CDH4: variants seen among roughly 807,000 people sequenced by gnomAD.
CDH4 encodes cadherin 4.
Under a neutral mutation model 86.0 loss-of-function variants are expected in CDH4, and 33 were observed. The ratio of observed to expected loss-of-function variants is 0.38; its 90% CI spans 0.29 to 0.51. The LOEUF (loss-of-function observed/expected upper bound fraction) is 0.51, where lower values mean the gene tolerates loss of function less well. Ranked by LOEUF, CDH4 falls within the 20% of genes least tolerant of loss-of-function variation. CDH4 has a pLI of 0.86. For missense variants in CDH4, 1,114 were observed against 1,307.4 expected (o/e 0.85, Z 2.28); for synonymous variants, 555 against 549.4 (o/e 1.01, Z -0.14).
intron 7 of CDH4, among the ~76,000 whole-genome samples, chr20:61,876,346 T>C (rs890720764): frequency 2.0e-5 from 3 of 152,222 alleles, no homozygotes; most frequent in African/African-American, 7.2e-5. Context: ...CCAGTCCCAG[T>C]GCAGGGGCAT....
chr20:61,517,175 T>G lies in CDH4; in HGVS notation c.170-226388T>G, dbSNP rs2085828077. Among the ~76,000 whole-genome samples the G allele has an allele frequency of 6.6e-6, 1 of 152,190 alleles. No individual in the cohort carries two copies. On this transcript the variant is annotated intron_variant, in intron 2 of 15. Coordinates refer to ENST00000614565, the MANE Select transcript of CDH4 (RefSeq NM_001794.5). The surrounding 1 kb of genome is among the most constrained non-coding windows in gnomAD (Gnocchi z 6.6). ...CAACTTTCTAGATGTTGCCTGACTTTGAACTTCGGGTAAATGGAATCCCTT... is the reference window on the plus strand; with the variant it reads ...CAACTTTCTAGATGTTGCCTGACTTGGAACTTCGGGTAAATGGAATCCCTT...
Position 61,474,152 on chromosome 20 carries a change from CTTTTTTTTTTTTTTTTT to C in CDH4, c.169+219225_169+219241del, listed in dbSNP as rs10551077. Among the ~76,000 whole-genome samples, 74 of 40,076 alleles carry C rather than the reference CTTTTTTTTTTTTTTTTT, an allele frequency of 1.8e-3. 1 individual carries two copies. Among genetic ancestry groups the C allele is most frequent in the Admixed American group, 0.01 (26 of 2,550 alleles). The allele number at this position is 40,076 out of a possible 152,430, so 26.3% of individuals were successfully genotyped here. ...GGTATTCTTTTGTCATGGAATAGGA[CTTTTTTTTTTTTTTTTT>C]TTTTTTTTTGAGATGGAGTCTGACT... On this transcript the variant is annotated intron_variant, in intron 2 of 15. Coordinates refer to ENST00000614565, the MANE Select transcript of CDH4 (RefSeq NM_001794.5).
chr20:61,799,695 C>T (rs1039357850), intron 4 of CDH4, among the ~76,000 whole-genome samples: 31 of 152,310 alleles, frequency 2.0e-4, no homozygotes, highest in African/African-American at 6.7e-4. Flanking sequence ...GCCCAGGGAG[C>T]TCCTCTCCAT....
intron 2 of CDH4, among the ~76,000 whole-genome samples, chr20:61,649,357 G>A (rs1391005700): frequency 6.6e-6 from 1 of 152,248 alleles, no homozygotes; most frequent in Non-Finnish European, 1.5e-5. Context: ...CTGGGGCCGT[G>A]TAGGCCAGGT....
chr20:61,878,923 G>A (rs922644180), intron 7 of CDH4, among the ~76,000 whole-genome samples: 1 of 152,266 alleles, frequency 6.6e-6, no homozygotes, highest in South Asian at 2.1e-4. Flanking sequence ...GTGGGTCTGT[G>A]CTTAATGTTC....
chr20:61,524,226 G>A (rs2085893983), intron 2 of CDH4, among the ~76,000 whole-genome samples: 1 of 152,134 alleles, frequency 6.6e-6, no homozygotes, highest in Non-Finnish European at 1.5e-5. Flanking sequence ...GTTTCTACCT[G>A]GAATGCTTCC....
Position 61,797,882 on chromosome 20 carries a change from C to T in CDH4, c.576+24700C>T, listed in dbSNP as rs183872733. 1.8e-3 allele frequency among the ~76,000 whole-genome samples: 270 copies of T among 152,332 alleles called. 1 individual carries two copies. Among genetic ancestry groups the T allele is most frequent in the African/African-American group, 5.8e-3 (243 of 41,578 alleles). On this transcript the variant is annotated intron_variant, in intron 4 of 15. Transcript: ENST00000614565. ...GAGAGATCGGCATCTTTTCCAGCTTCTCAGGTAGGGCATGGCTGCAGGACA... is the reference window on the plus strand; with the variant it reads ...GAGAGATCGGCATCTTTTCCAGCTTTTCAGGTAGGGCATGGCTGCAGGACA...
chr20:61,844,306 G>A (rs1355029739), intron 4 of CDH4, among the ~76,000 whole-genome samples: 1 of 152,134 alleles, frequency 6.6e-6, no homozygotes, highest in Non-Finnish European at 1.5e-5. Flanking sequence ...CACTGTGGAG[G>A]TTGCTCTGTT....
At chr20:61,721,956 G>A (rs928820930) in intron 2 of CDH4, among the ~76,000 whole-genome samples, 1 of 152,148 alleles carries the variant, frequency 6.6e-6, no homozygotes, top group Non-Finnish European at 1.5e-5. Context: ...GTGTGCTGGA[G>A]AGTGGGGGCC....
intron 2 of CDH4, among the ~76,000 whole-genome samples, chr20:61,562,680 A>G (rs1200479724): frequency 1.3e-5 from 2 of 152,262 alleles, no homozygotes; most frequent in Non-Finnish European, 2.9e-5. Flanking sequence ...GAACAGAGCA[A>G]TACAGGAGTC....
chr20:61,889,377 G>GGGAGGAT (rs1568868825), intron 7 of CDH4, among the ~76,000 whole-genome samples: 3 of 150,898 alleles, frequency 2.0e-5, no homozygotes, highest in Admixed American at 2.0e-4. Context: ...ATGGATGGGT[G>GGGAGGAT]GGTGGATGGT....
chr20:61,744,861 C>T (rs1450830822), intron 3 of CDH4, among the ~76,000 whole-genome samples: 5 of 152,224 alleles, frequency 3.3e-5, no homozygotes, highest in African/African-American at 7.2e-5. Flanking sequence ...AGGTCCCCTT[C>T]GCCTTGAGTG....
chr20:61,565,321 G>GGTAGTGGTC (rs1391946036), intron 2 of CDH4, among the ~76,000 whole-genome samples: 1 of 100,202 alleles, frequency 1.0e-5, no homozygotes, highest in Non-Finnish European at 2.3e-5. Flanking sequence ...TGGTGGCGGT[G>GGTAGTGGTC]CTCTTGGTGA....
In CDH4 at chr20:61,452,657, G is replaced by A. The variant is rs138165733; in HGVS notation, c.169+197720G>A. 2.4e-3 allele frequency among the ~76,000 whole-genome samples: 365 copies of A among 152,286 alleles called. 3 individuals carry two copies. Among genetic ancestry groups the A allele is most frequent in the African/African-American group, 8.3e-3 (347 of 41,572 alleles). ...AATTGTTGAAGAGTTTTCCCACACC[G>A]TACAGAAGTAAGGCAGGGAAAGCAA... On this transcript the variant is annotated intron_variant, in intron 2 of 15. Coordinates refer to ENST00000614565, the MANE Select transcript of CDH4 (RefSeq NM_001794.5).
At chr20:61,657,819 C>A (rs1170916136) in intron 2 of CDH4, among the ~76,000 whole-genome samples, 1 of 152,178 alleles carries the variant, frequency 6.6e-6, no homozygotes. Flanking sequence ...AGTGTTAAAT[C>A]CATGTCAGTA....
intron 2 of CDH4, among the ~76,000 whole-genome samples, chr20:61,673,611 C>T (rs547606435): frequency 6.6e-5 from 10 of 152,198 alleles, no homozygotes; most frequent in African/African-American, 2.2e-4. Context: ...GAAGGCCGCC[C>T]GTTCTTGAAT....
intron 2 of CDH4, among the ~76,000 whole-genome samples, chr20:61,524,128 AAACT>A (rs1365623694): frequency 6.6e-6 from 1 of 152,166 alleles, no homozygotes; most frequent in African/African-American, 2.4e-5. Context: ...CCACACAACT[AAACT>A]AAAATCCCGA....
In CDH4 at chr20:61,392,228, C is replaced by A. The variant is rs764437628; in HGVS notation, c.169+137291C>A. Among the ~76,000 whole-genome samples, 1 of 151,792 alleles carries A rather than the reference C, an allele frequency of 6.6e-6. No homozygotes were observed. Among genetic ancestry groups the A allele is most frequent in the South Asian group, 2.1e-4 (1 of 4,748 alleles). On this transcript the variant is annotated intron_variant, in intron 2 of 15. Coordinates refer to ENST00000614565, the MANE Select transcript of CDH4 (RefSeq NM_001794.5). This position sits in a 1 kb window ranked among gnomAD's most constrained non-coding sequence, Gnocchi z 5.7. ...GTGTGAGTGGCCTTAACACGGGACC[C>A]GGACATGCTGCCTCTGGGCTGGGGA...
At chr20:61,934,001 G>A in intron 14 of CDH4, 55 bp from the exon 15 acceptor site, 1 of 1,591,694 alleles carries the variant, frequency 6.3e-7, no homozygotes, top group Non-Finnish European at 8.6e-7. Context: ...CAGGGTGGAA[G>A]GGGGGCTGGC....
Sources: gnomAD v4.1 joint callset for allele counts (sites outside exome capture counted in the v4.1 genomes callset) on GRCh38, gnomAD v4.1.1 for gene constraint, Gnocchi (gnomAD v3.1) non-coding constraint, MANE v1.5 for transcripts, NCBI Gene and HGNC (gene_info 2026-07-23, HGNC 2026-07-21) for gene names.